DNM3: variants seen among roughly 807,000 people sequenced by gnomAD.
DNM3 encodes dynamin 3.
DNM3 carries 47 observed loss-of-function variants against 101.6 expected under a neutral mutation model. The observed-to-expected ratio is 0.46, with a 90% CI of 0.37 to 0.59. The LOEUF (loss-of-function observed/expected upper bound fraction) is 0.59. DNM3 is among the 20% of genes least tolerant of loss of function. The probability of loss-of-function intolerance (pLI) is 0.00; values close to 1 mark genes in which losing one functional copy is unlikely to be tolerated. For synonymous variants in DNM3, 385 were observed against 387.9 expected, an observed-to-expected ratio of 0.99 and a Z score of 0.09; for missense variants, 849 against 1,085.7, an observed-to-expected ratio of 0.78 and a Z score of 3.06.
At chr1:172,139,339 T>C (rs1026288512) in intron 14 of DNM3, 26 of 161,800 alleles carry the variant, frequency 1.6e-4, no homozygotes, top group Admixed American at 1.8e-4. Context: ...ATAAGTACCA[T>C]AACCTTGTCC....
At chr1:172,418,313 C>T (rs1293081808) in exon 21 of DNM3, 2 of 1,289,248 alleles carry the variant, frequency 1.6e-6, no homozygotes, top group South Asian at 2.5e-5. Context: ...GGACGACCAT[C>T]CTAACCCCCA....
intron 6 of DNM3, among the ~76,000 whole-genome samples, chr1:172,035,732 T>C (rs2048908655): frequency 6.6e-6 from 1 of 152,170 alleles, no homozygotes; most frequent in African/African-American, 2.4e-5. Context: ...TTTGGGTCCT[T>C]GTCTCTTGTG....
chr1:172,374,751 T>TTAA (rs1451713146), intron 17 of DNM3, among the ~76,000 whole-genome samples: 16 of 152,116 alleles, frequency 1.1e-4, no homozygotes, highest in Non-Finnish European at 1.9e-4. Context: ...TCTCTAGGAC[T>TTAA]TTATTAACTT....
intron 10 of DNM3, among the ~76,000 whole-genome samples, chr1:172,053,976 A>T (rs1469582211): frequency 2.0e-5 from 3 of 152,166 alleles, no homozygotes; most frequent in Non-Finnish European, 4.4e-5. Flanking sequence ...CATTTTTGAG[A>T]CTTAAAGGGA....
chr1:171,916,005 C>T lies in DNM3; in HGVS notation c.162-5743C>T, dbSNP rs2039679499. On this transcript the variant is annotated intron_variant, in intron 1 of 20. Coordinates refer to ENST00000627582, the MANE Select transcript of DNM3 (RefSeq NM_015569.5). ...TCACTGTCAAATTATTGTCTCCAGACAAGACTTTTGTCCTGAGTGCCAACT... is the reference window on the plus strand; with the variant it reads ...TCACTGTCAAATTATTGTCTCCAGATAAGACTTTTGTCCTGAGTGCCAACT... Among the ~76,000 whole-genome samples, 2 of 152,198 alleles carry T rather than the reference C, an allele frequency of 1.3e-5. 1 individual carries two copies. The highest frequency in any genetic ancestry group is 4.1e-4 in the South Asian group (2 of 4,834).
intron 14 of DNM3, among the ~76,000 whole-genome samples, chr1:172,220,847 T>G (rs1463302301): frequency 6.6e-6 from 1 of 152,198 alleles, no homozygotes; most frequent in Non-Finnish European, 1.5e-5. Flanking sequence ...TCTTTATTTG[T>G]TAATAAAAGC....
chr1:171,900,817 G>A (rs942156368), intron 1 of DNM3, among the ~76,000 whole-genome samples: 4 of 152,046 alleles, frequency 2.6e-5, no homozygotes, highest in Admixed American at 1.3e-4. Flanking sequence ...TTGATACTTT[G>A]AAATGTATGA....
chr1:172,256,905 GT>G (rs5778728), intron 15 of DNM3, among the ~76,000 whole-genome samples: 12,332 of 144,524 alleles, frequency 0.085, 508 homozygotes, highest in South Asian at 0.17. Flanking sequence ...TCTTCATCAT[GT>G]TTTTTTTTTT....
chr1:172,291,410 T>C (rs2063911549), intron 15 of DNM3, among the ~76,000 whole-genome samples: 4 of 152,152 alleles, frequency 2.6e-5, no homozygotes, highest in Non-Finnish European at 5.9e-5. Context: ...CATGCGGACC[T>C]TAGGAGAGAC....
At chr1:172,322,650 T>A (rs781558515) in intron 16 of DNM3, among the ~76,000 whole-genome samples, 1 of 152,114 alleles carries the variant, frequency 6.6e-6, no homozygotes, top group African/African-American at 2.4e-5. Context: ...GAGTGTGGAC[T>A]CATGTTTGTT....
chr1:171,960,700 A>G (rs1378391165), intron 2 of DNM3, among the ~76,000 whole-genome samples: 4 of 152,140 alleles, frequency 2.6e-5, no homozygotes, highest in Non-Finnish European at 5.9e-5. Context: ...AGGGAGAAAT[A>G]GGGAATGCTT....
At chr1:171,999,887 C>T (rs183969203) in intron 4 of DNM3, among the ~76,000 whole-genome samples, 1 of 152,168 alleles carries the variant, frequency 6.6e-6, no homozygotes, top group East Asian at 1.9e-4. Context: ...TTGGCAGAGG[C>T]AAGGAAGAAC....
At position 172,058,359 on chromosome 1, in the gene DNM3, C is replaced by T. The variant is rs950302898; in HGVS notation, c.1335+9609C>T. Among the ~76,000 whole-genome samples the T allele has an allele frequency of 1.2e-4, 18 of 150,950 alleles. 1 individual carries two copies. The highest frequency in any genetic ancestry group is 4.4e-4 in the African/African-American group (18 of 40,952). On this transcript the variant is annotated intron_variant, in intron 10 of 20. Coordinates refer to ENST00000627582, the MANE Select transcript of DNM3 (RefSeq NM_015569.5). ...ACCAAGTGGACCTAATAGACATCTACAGAACTCTCCACCCCAAATCAACAG... is the reference window on the plus strand; with the variant it reads ...ACCAAGTGGACCTAATAGACATCTATAGAACTCTCCACCCCAAATCAACAG...
At chr1:172,170,108 G>A (rs2058897509) in intron 14 of DNM3, among the ~76,000 whole-genome samples, 1 of 151,894 alleles carries the variant, frequency 6.6e-6, no homozygotes, top group South Asian at 2.1e-4. Context: ...GGAAGGATTA[G>A]GCAGTAGAAG....
At chr1:172,282,543 T>C (rs537985853) in intron 15 of DNM3, among the ~76,000 whole-genome samples, 31 of 152,274 alleles carry the variant, frequency 2.0e-4, no homozygotes, top group Admixed American at 3.3e-4. Context: ...CTAATTCTTA[T>C]AGAAACCTAA....
intron 17 of DNM3, among the ~76,000 whole-genome samples, chr1:172,365,496 G>A (rs2067965987): frequency 6.6e-6 from 1 of 151,902 alleles, no homozygotes; most frequent in Non-Finnish European, 1.5e-5. Context: ...TGGCACTGTG[G>A]TTATGAGTTT....
rs184200716 is a variant in DNM3 at position 172,034,519 on chromosome 1, G to A, written c.849+1254G>A. 1.1e-3 allele frequency among the ~76,000 whole-genome samples: 170 copies of A among 152,140 alleles called. 1 individual carries two copies. Among genetic ancestry groups the A allele is most frequent in the African/African-American group, 3.9e-3 (161 of 41,540 alleles). ...TTGAATACTGGAAAAACAAAAGGAG[G>A]TGGTTGACTATTAGGTTATTACAGG... On this transcript the variant is annotated intron_variant, in intron 6 of 20. Coordinates refer to ENST00000627582, the MANE Select transcript of DNM3 (RefSeq NM_015569.5).
chr1:172,358,004 A>C (rs1255630345), intron 17 of DNM3, among the ~76,000 whole-genome samples: 1 of 152,044 alleles, frequency 6.6e-6, no homozygotes, highest in Admixed American at 6.6e-5. Context: ...GTGCTGAATC[A>C]GTGTGGTAGA....
rs1418365998 is a variant in DNM3 at position 171,937,479 on chromosome 1, G to C, written c.235+15658G>C. Among the ~76,000 whole-genome samples, 7 of 152,076 alleles carry C rather than the reference G, an allele frequency of 4.6e-5. No homozygotes were observed. The South Asian group carries it at 1.5e-3, about 32-fold the overall frequency. ...ATTTTAATGTGCACAAGATACACTG[G>C]GTGGGCTTCTTATAGATGCAGACTC... On this transcript the variant is annotated intron_variant, in intron 2 of 20. Transcript: ENST00000627582.
Sources: allele counts gnomAD v4.1 joint callset (sites outside exome capture counted in the v4.1 genomes callset), GRCh38; gene constraint gnomAD v4.1.1; transcripts MANE v1.5; gene names NCBI Gene and HGNC (gene_info 2026-07-23, HGNC 2026-07-21).